Variants in FCHSD2 observed in about 807,000 individuals in gnomAD.
FCHSD2 encodes the protein FCH and double SH3 domains 2.
A neutral mutation model predicts 108.1 loss-of-function variants in FCHSD2; 38 were observed. That is an observed-to-expected ratio of 0.35 (90% CI 0.27 to 0.46). The LOEUF is 0.46. FCHSD2 is among the 20% of genes least tolerant of loss of function. The probability of loss-of-function intolerance (pLI) is 1.00; values close to 1 mark genes in which losing one functional copy is unlikely to be tolerated. For missense variants in FCHSD2, 751 were observed against 897.8 expected (o/e 0.84, Z 2.09); for synonymous variants, 279 against 314.7 (o/e 0.89, Z 1.20).
At chr11:73,016,475 G>C (rs1293979608) in intron 3 of FCHSD2, among the ~76,000 whole-genome samples, 1 of 152,100 alleles carries the variant, frequency 6.6e-6, no homozygotes, top group Non-Finnish European at 1.5e-5. Context: ...AAACTTCATT[G>C]ATATGCCTTT....
chr11:72,940,030 A>G (rs1215438031), intron 8 of FCHSD2, among the ~76,000 whole-genome samples: 1 of 152,176 alleles, frequency 6.6e-6, no homozygotes, highest in Non-Finnish European at 1.5e-5. Flanking sequence ...TTTATGCGGC[A>G]GTGTTACAGC....
chr11:73,120,033 A>G (rs1172560853), intron 2 of FCHSD2, among the ~76,000 whole-genome samples: 3 of 152,134 alleles, frequency 2.0e-5, no homozygotes, highest in Non-Finnish European at 2.9e-5. Flanking sequence ...CAAAGAGGGA[A>G]TGAGGAAGAT....
rs780184079 is a variant in FCHSD2, at chr11:72,988,914, A to G, written c.521+50T>C. On this transcript the variant is annotated intron_variant, in intron 6 of 19. Coordinates refer to ENST00000409418, the MANE Select transcript of FCHSD2 (RefSeq NM_014824.3). Reference sequence around the variant, plus strand: ...TAATAGAGAACAAACTATTAGCAACAATAACATTTATTTGCATAATAATTT... The same window carrying G: ...TAATAGAGAACAAACTATTAGCAACGATAACATTTATTTGCATAATAATTT... The G allele has an allele frequency of 2.7e-6, 4 of 1,508,152 alleles. No homozygotes were observed. In the South Asian group the frequency reaches 4.9e-5, roughly 19 times the overall value. The allele number at this position is 1,508,152 out of a possible 1,614,324, so 93.4% of individuals were successfully genotyped here. A position where few individuals can be genotyped will look rare whatever the true frequency, so the allele number is the denominator to read the frequency against.
intron 13 of FCHSD2, among the ~76,000 whole-genome samples, chr11:72,862,171 G>A (rs527631637): frequency 1.3e-5 from 2 of 152,216 alleles, no homozygotes; most frequent in African/African-American, 4.8e-5. Flanking sequence ...CATACTTAAT[G>A]GTGAAAGACT....
At chr11:73,119,749 G>C (rs1455338777) in intron 2 of FCHSD2, among the ~76,000 whole-genome samples, 3 of 152,030 alleles carry the variant, frequency 2.0e-5, no homozygotes, top group Non-Finnish European at 4.4e-5. Context: ...ACCTGGCCTA[G>C]ACAGCCATTT....
At chr11:73,057,966 G>A (rs984745277) in intron 3 of FCHSD2, among the ~76,000 whole-genome samples, 3 of 150,660 alleles carry the variant, frequency 2.0e-5, no homozygotes, top group Non-Finnish European at 4.4e-5. Flanking sequence ...TGCAAGCTCC[G>A]CCTCCCGGGT....
chr11:72,845,510 A>G (rs982940514), intron 14 of FCHSD2, among the ~76,000 whole-genome samples: 2 of 151,606 alleles, frequency 1.3e-5, no homozygotes, highest in African/African-American at 4.9e-5. Flanking sequence ...GTTTTTCAAC[A>G]CTGCAGCACT....
chr11:73,128,552 CAAAAG>C (rs1445921590), intron 2 of FCHSD2, among the ~76,000 whole-genome samples: 1 of 151,648 alleles, frequency 6.6e-6, no homozygotes, highest in African/African-American at 2.4e-5. Flanking sequence ...CCTGGTGGAA[CAAAAG>C]AAAAAAGGAA....
chr11:73,080,067 G>C (rs1859644843), intron 3 of FCHSD2, among the ~76,000 whole-genome samples: 1 of 152,064 alleles, frequency 6.6e-6, no homozygotes, highest in Non-Finnish European at 1.5e-5. Context: ...GAGAGGCTGA[G>C]ACAGGAGAAT....
At chr11:72,905,596 A>AC (rs1344208015) in intron 9 of FCHSD2, among the ~76,000 whole-genome samples, 10 of 130,996 alleles carry the variant, frequency 7.6e-5, no homozygotes, top group Non-Finnish European at 1.6e-4. Context: ...CTAGCCCCCC[A>AC]CCCCCCGACA....
chr11:73,038,923 T>C (rs1186508337), intron 3 of FCHSD2, among the ~76,000 whole-genome samples: 1 of 152,216 alleles, frequency 6.6e-6, no homozygotes, highest in East Asian at 1.9e-4. Context: ...CACTTTAGTG[T>C]TCTTTTTCCA....
chr11:72,964,483 T>C (rs1453152005), intron 8 of FCHSD2, among the ~76,000 whole-genome samples: 1 of 152,228 alleles, frequency 6.6e-6, no homozygotes, highest in East Asian at 1.9e-4. Flanking sequence ...ACTGTGTACA[T>C]GCCTCTAACA....
At chr11:73,113,592 T>C (rs1860541387) in intron 2 of FCHSD2, among the ~76,000 whole-genome samples, 1 of 152,102 alleles carries the variant, frequency 6.6e-6, no homozygotes, top group South Asian at 2.1e-4. Flanking sequence ...TTGGCCTTGA[T>C]GCTTGTGGAT....
At chr11:72,983,941 A>C in intron 8 of FCHSD2, 147 bp downstream of exon 8, 1 of 724,790 alleles carries the variant, frequency 1.4e-6, no homozygotes, top group South Asian at 1.5e-5. Context: ...AACAGATGCT[A>C]TCCAAACAAT....
rs575387478 is a variant in FCHSD2, at chr11:73,066,231, C to A, written c.165+17464G>T. The stretch of plus-strand genomic sequence containing the variant: ...CAACTGATCTTTGACAAACCTGACA[C>A]AAACAAGCAATGGGGAAAAGATTAC... On this transcript the variant is annotated intron_variant, in intron 3 of 19. Transcript: ENST00000409418. 1.9e-4 allele frequency among the ~76,000 whole-genome samples: 29 copies of A among 152,206 alleles called. No homozygotes were observed. In the South Asian group the frequency reaches 6.0e-3, roughly 32 times the overall value.
At chr11:72,984,919 G>A in intron 7 of FCHSD2, 143 bp downstream of exon 7, 1 of 516,084 alleles carries the variant, frequency 1.9e-6, no homozygotes, top group South Asian at 2.0e-5. Context: ...CATGAACTGG[G>A]AGGGAAAGTT....
At chr11:73,021,923 T>A (rs184314338) in intron 3 of FCHSD2, among the ~76,000 whole-genome samples, 12 of 151,486 alleles carry the variant, frequency 7.9e-5, no homozygotes, top group Non-Finnish European at 1.0e-4. Flanking sequence ...ATAAAAAAAA[T>A]TTTCCAGGCC....
chr11:73,055,969 A>G (rs1205599286), intron 3 of FCHSD2, among the ~76,000 whole-genome samples: 2 of 152,202 alleles, frequency 1.3e-5, no homozygotes, highest in African/African-American at 2.4e-5. Flanking sequence ...AATGCCAATG[A>G]ATTTTACCCT....
intron 2 of FCHSD2, among the ~76,000 whole-genome samples, chr11:73,100,467 G>A (rs578162307): frequency 2.0e-5 from 3 of 152,148 alleles, no homozygotes; most frequent in East Asian, 1.9e-4. Flanking sequence ...GGGTTCAAGC[G>A]ATTCTCCCGC....
Sources: gnomAD v4.1 joint callset for allele counts (sites outside exome capture counted in the v4.1 genomes callset) on GRCh38, gnomAD v4.1.1 for gene constraint, MANE v1.5 for transcripts, NCBI Gene and HGNC (gene_info 2026-07-23, HGNC 2026-07-21) for gene names.